The following PCDHGA4 variants were observed in gnomAD, a reference collection of about 807,000 sequenced individuals.
PCDHGA4 encodes the protein protocadherin gamma subfamily A, 4, also known as protocadherin gamma-A4.
A neutral mutation model predicts 54.6 loss-of-function variants in PCDHGA4; 38 were observed. That is an observed-to-expected ratio of 0.70 (90% CI 0.54 to 0.91). PCDHGA4 has a LOEUF of 0.91. Among genes scored for constraint, PCDHGA4 ranks in the 40% least tolerant of loss-of-function variants. The pLI is 0.00. For synonymous variants in PCDHGA4, 511 were observed against 512.9 expected (o/e 1.00, Z 0.05); for missense variants, 1,298 against 1,220.9 (o/e 1.06, Z -0.94).
chr5:141,416,452 A>T (rs2154546483), intron 1 of PCDHGA4: 1 of 152,342 alleles, frequency 6.6e-6, no homozygotes, highest in African/African-American at 2.4e-5. Flanking sequence ...ATGGGTTGGG[A>T]AGACAGATAA....
Position 141,356,838 on chromosome 5 carries a change from G to A in PCDHGA4, c.1731G>A (p.Val577=), listed in dbSNP as rs1401052082. 6.2e-7 allele frequency: 1 copy of A among 1,614,174 alleles called. No individual in the cohort carries two copies. Among genetic ancestry groups the A allele is most frequent in the South Asian group, 1.1e-5 (1 of 91,088 alleles). The change falls in exon 1 of 4, where the codon GTG becomes GTA. Residue 577 remains valine (V), a synonymous_variant. Transcript: ENST00000571252. The part of the protein sequence containing the change: ...DSGDPPLSSN[V]SLSLFVLDQN... ...GAGACCCTCCACTCAGCAGCAATGT[G>A]TCACTGAGCCTCTTTGTGCTGGACC...
At chr5:141,428,008 T>C (rs2097099623) in intron 1 of PCDHGA4, 4 of 1,601,848 alleles carry the variant, frequency 2.5e-6, no homozygotes, top group Admixed American at 3.3e-5. Context: ...CTCTTCGATA[T>C]AGTGCCACGC....
chr5:141,422,938 G>A (rs1226350240), intron 1 of PCDHGA4: 2 of 1,614,116 alleles, frequency 1.2e-6, no homozygotes, highest in Non-Finnish European at 1.7e-6. Flanking sequence ...CCTCCCCACA[G>A]ACGGCTCCAC....
chr5:141,356,306 T>A lies in PCDHGA4; in HGVS notation c.1199T>A (p.Phe400Tyr), dbSNP rs754194217. 1 of 1,554,168 alleles carries A rather than the reference T, an allele frequency of 6.4e-7. No individual in the cohort carries two copies. Among genetic ancestry groups the A allele is most frequent in the Non-Finnish European group, 8.7e-7 (1 of 1,148,150 alleles). The stretch of plus-strand genomic sequence containing the variant: ...TCCCCGGGTACAGTAATTGCACTTT[T>A]CAACGTGCATGACAGTGACTCAGGA... ...SSSPGTVIAL[F>Y]NVHDSDSGGN... The change falls in exon 1 of 4, where the codon TTC (phenylalanine) becomes TAC (tyrosine). Residue 400 changes from phenylalanine (F) to tyrosine (Y), a missense_variant. By Grantham distance (22) the Phe-to-Tyr change is conservative. Coordinates refer to ENST00000571252, the MANE Select transcript of PCDHGA4 (RefSeq NM_018917.4).
intron 1 of PCDHGA4, chr5:141,414,230 C>G (rs367888906): frequency 6.2e-7 from 1 of 1,613,190 alleles, no homozygotes; most frequent in Non-Finnish European, 8.5e-7. Flanking sequence ...CCAGAGCTGA[C>G]CATCACGTCT....
At chr5:141,370,566 G>A (rs1435194391) in intron 1 of PCDHGA4, 3 of 1,613,936 alleles carry the variant, frequency 1.9e-6, no homozygotes, top group Non-Finnish European at 2.5e-6. Flanking sequence ...GGGGTTTGGC[G>A]TGGGGGATTT....
chr5:141,396,882 G>C (rs2093447309), intron 1 of PCDHGA4, among the ~76,000 whole-genome samples: 3 of 152,208 alleles, frequency 2.0e-5, no homozygotes, highest in African/African-American at 7.2e-5. Flanking sequence ...GCACATTTGA[G>C]AGGACAACAT....
intron 1 of PCDHGA4, among the ~76,000 whole-genome samples, chr5:141,447,749 T>G (rs1462661604): frequency 6.6e-6 from 1 of 152,196 alleles, no homozygotes; most frequent in Non-Finnish European, 1.5e-5. Context: ...GAGTCTTGCA[T>G]GTGACTGTAT....
In PCDHGA4 at chr5:141,485,990, C is replaced by T. The variant is rs1285988124; in HGVS notation, c.2515-8817C>T. 2.5e-6 allele frequency: 4 copies of T among 1,614,168 alleles called. No homozygotes were observed. The stretch of plus-strand genomic sequence containing the variant: ...CAATGCCTCAGACCCGGACCTGGGT[C>T]CCAGTGGTAACGTCACCTTTTATTT... On this transcript the variant is annotated intron_variant, in intron 1 of 3. Coordinates refer to ENST00000571252, the MANE Select transcript of PCDHGA4 (RefSeq NM_018917.4). This position sits in a 1 kb window ranked among gnomAD's most constrained non-coding sequence, Gnocchi z 5.7.
At chr5:141,374,857 C>T in intron 1 of PCDHGA4, 1 of 1,613,768 alleles carries the variant, frequency 6.2e-7, no homozygotes, top group East Asian at 2.2e-5. Context: ...TGCCAGTAGG[C>T]ACACCAGTGT....
At chr5:141,396,656 G>A (rs6580187) in intron 1 of PCDHGA4, 27,943 of 151,880 alleles carry the variant, frequency 0.18, 3,100 homozygotes, top group African/African-American at 0.31. Flanking sequence ...GTAAAAACTC[G>A]GTATAGGCTA....
intron 3 of PCDHGA4, among the ~76,000 whole-genome samples, chr5:141,506,116 A>T: frequency 6.6e-6 from 1 of 152,136 alleles, no homozygotes; most frequent in East Asian, 1.9e-4. Flanking sequence ...AAGAGTCACT[A>T]GGGCCCAGAG....
At chr5:141,377,345 C>T (rs1275867689) in intron 1 of PCDHGA4, 1 of 152,148 alleles carries the variant, frequency 6.6e-6, no homozygotes, top group African/African-American at 2.4e-5. Flanking sequence ...GTGGTTCACG[C>T]CTGTAATCCC....
Position 141,485,220 on chromosome 5 carries a change from C to T in PCDHGA4, c.2515-9587C>T. The T allele has an allele frequency of 6.2e-7, 1 of 1,614,192 alleles. No homozygotes were observed. The highest frequency in any genetic ancestry group is 8.5e-7 in the Non-Finnish European group (1 of 1,180,024). On this transcript the variant is annotated intron_variant, in intron 1 of 3. Transcript: ENST00000571252. This position sits in a 1 kb window ranked among gnomAD's most constrained non-coding sequence, Gnocchi z 5.7. ...TGGACAGAAATCTGGCGGTGGGCTA[C>T]CCTTTTGTTCCTCTTTTACCACCTG... is the stretch of plus-strand genomic sequence containing the variant.
In PCDHGA4 at chr5:141,477,244, G is replaced by T. The variant is rs367944211; in HGVS notation, c.2515-17563G>T. On this transcript the variant is annotated intron_variant, in intron 1 of 3. Coordinates refer to ENST00000571252, the MANE Select transcript of PCDHGA4 (RefSeq NM_018917.4). The surrounding 1 kb of genome is among the most constrained non-coding windows in gnomAD (Gnocchi z 4.9). ...GGACTGTCATCGCTTTGCTCAGTGT[G>T]ACTGACCTGGATGCTGGCGAGAACG... 9 of 1,614,190 alleles carry T rather than the reference G, an allele frequency of 5.6e-6. No homozygotes were observed. Among genetic ancestry groups the T allele is most frequent in the Non-Finnish European group, 7.6e-6 (9 of 1,180,052 alleles).
At chr5:141,414,668 A>C in intron 1 of PCDHGA4, 1 of 1,613,856 alleles carries the variant, frequency 6.2e-7, no homozygotes, top group East Asian at 2.2e-5. Context: ...CTGGCTGAAG[A>C]CACCATCCAG....
chr5:141,498,656 G>A (rs2154592341), intron 2 of PCDHGA4, among the ~76,000 whole-genome samples: 1 of 152,336 alleles, frequency 6.6e-6, no homozygotes, highest in Non-Finnish European at 1.5e-5. Context: ...ACCTGGCCAG[G>A]TGTGGTGGCT....
intron 1 of PCDHGA4, chr5:141,418,292 T>A: frequency 6.2e-7 from 1 of 1,613,988 alleles, no homozygotes. Context: ...AATCAGTGAA[T>A]CCGTCAGCCT....
intron 1 of PCDHGA4, among the ~76,000 whole-genome samples, chr5:141,453,193 A>G (rs2098757675): frequency 6.6e-6 from 1 of 152,142 alleles, no homozygotes; most frequent in Admixed American, 6.5e-5. Context: ...AGCTCACTGC[A>G]GCCTCAACCT....
Sources: gnomAD v4.1 joint callset for allele counts (sites outside exome capture counted in the v4.1 genomes callset) on GRCh38, gnomAD v4.1.1 for gene constraint, Gnocchi (gnomAD v3.1) non-coding constraint, MANE v1.5 for transcripts, NCBI Gene and HGNC (gene_info 2026-07-23, HGNC 2026-07-21) for gene names.